OPA1: variants seen among roughly 807,000 people sequenced by gnomAD.
The protein encoded by OPA1 is OPA1 mitochondrial dynamin like GTPase.
OPA1 carries 59 observed loss-of-function variants against 152.9 expected under a neutral mutation model. That is an observed-to-expected ratio of 0.39 (90% CI 0.31 to 0.48). The LOEUF (loss-of-function observed/expected upper bound fraction) is 0.48, where lower values mean the gene tolerates loss of function less well. Among genes scored for constraint, OPA1 ranks in the 20% least tolerant of loss-of-function variants. OPA1 has a pLI of 0.96. For missense variants in OPA1, 1,008 were observed against 1,216.8 expected (o/e 0.83, Z 2.55); for synonymous variants, 400 against 389.9 (o/e 1.03, Z -0.31).
intron 29 of OPA1, among the ~76,000 whole-genome samples, chr3:193,681,107 A>G (rs904054646): frequency 6.6e-6 from 1 of 152,154 alleles, no homozygotes; most frequent in African/African-American, 2.4e-5. Context: ...ATAGATATTG[A>G]TATCATTGGG....
intron 1 of OPA1, among the ~76,000 whole-genome samples, chr3:193,605,852 T>C (rs1727172347): frequency 6.6e-6 from 1 of 152,210 alleles, no homozygotes; most frequent in Admixed American, 6.5e-5. Context: ...TTGAAACCCC[T>C]GTCACAGAAA....
At chr3:193,631,413 T>C (rs975901474) in intron 7 of OPA1, among the ~76,000 whole-genome samples, 199 bp from the exon 8 acceptor site, 2 of 152,232 alleles carry the variant, frequency 1.3e-5, no homozygotes, top group African/African-American at 4.8e-5. Context: ...TTTCTCAATA[T>C]AAAATTTTGG....
chr3:193,634,659 C>T (rs762800910), intron 8 of OPA1, among the ~76,000 whole-genome samples: 2 of 152,148 alleles, frequency 1.3e-5, no homozygotes, highest in African/African-American at 2.4e-5. Context: ...CCGTCTGCCT[C>T]GGCCTCCCAA....
intron 9 of OPA1, 88 bp from the exon 10 acceptor site, chr3:193,637,107 A>G: frequency 1.5e-6 from 1 of 688,126 alleles, no homozygotes; most frequent in Non-Finnish European, 2.5e-6. Flanking sequence ...AACAATTTGA[A>G]TTTATCACTT....
At position 193,694,657 on chromosome 3, in the gene OPA1, G is replaced by A. The variant is rs1383153666; in HGVS notation, c.*57G>A. On this transcript the variant is annotated 3_prime_UTR_variant, in exon 31 of 31. Transcript: ENST00000361510. ...ACATCTGAAGAACAAAAACATCAAC[G>A]TCTTTTGTCCAGCCTCTTTTTCTTC... 7 of 152,266 alleles carry A rather than the reference G, an allele frequency of 4.6e-5. No homozygotes were observed. Among genetic ancestry groups the A allele is most frequent in the East Asian group, 1.9e-4 (1 of 5,186 alleles). The allele number at this position is 152,266 out of a possible 1,614,324, so 9.4% of individuals were successfully genotyped here.
At chr3:193,638,610 C>T (rs1233817218) in intron 11 of OPA1, among the ~76,000 whole-genome samples, 1 of 152,186 alleles carries the variant, frequency 6.6e-6, no homozygotes, top group Non-Finnish European at 1.5e-5. Flanking sequence ...CTAAACAGTA[C>T]TAACATCAGA....
intron 21 of OPA1, among the ~76,000 whole-genome samples, chr3:193,652,746 T>G: frequency 6.6e-6 from 1 of 152,036 alleles, no homozygotes. Context: ...CAGAAATTGT[T>G]GGGATGGAGG....
chr3:193,648,092 T>C lies in OPA1; in HGVS notation c.1893T>C (p.Thr631=), dbSNP rs1441195440. ...CAGCAACACGTTTTAACCTTGAAAC[T>C]GAATGGAAGAATAACTATCCTCGCC... ...SFKATRFNLE[T]EWKNNYPRLR... Residue 631 remains threonine, a synonymous_variant, in exon 20 of 31, where the codon ACT becomes ACC. Coordinates refer to ENST00000361510, the MANE Select transcript of OPA1 (RefSeq NM_130837.3). 3 of 1,613,752 alleles carry C rather than the reference T, an allele frequency of 1.9e-6. No homozygotes were observed. The highest frequency in any genetic ancestry group is 2.2e-5 in the East Asian group (1 of 44,870).
rs573186877 is a variant in OPA1 at position 193,632,779 on chromosome 3, AG to A, written c.843+1116del. Among the ~76,000 whole-genome samples, 67 of 152,210 alleles carry A rather than the reference AG, an allele frequency of 4.4e-4. 2 individuals are homozygous for A. In the South Asian group the frequency reaches 0.014, roughly 31 times the overall value. On this transcript the variant is annotated intron_variant, in intron 8 of 30. Transcript: ENST00000361510. ...CCAGCAACTGGGAGGCTAAGGCGGG[AG>A]GATCACTTGAGCCCCAGGAGGTCAA...
intron 11 of OPA1, among the ~76,000 whole-genome samples, chr3:193,641,980 G>A (rs546491686): frequency 6.6e-6 from 1 of 152,300 alleles, no homozygotes; most frequent in Admixed American, 6.5e-5. Flanking sequence ...GCCAGGTGTG[G>A]TGGCGGGCAT....
intron 29 of OPA1, among the ~76,000 whole-genome samples, chr3:193,688,847 G>A (rs920327599): frequency 2.6e-5 from 4 of 152,130 alleles, no homozygotes; most frequent in Admixed American, 6.5e-5. Flanking sequence ...TTAGCCAGGT[G>A]TGGTGCTGCA....
intron 1 of OPA1, among the ~76,000 whole-genome samples, chr3:193,603,143 TTGTC>T (rs1435457043): frequency 6.6e-6 from 1 of 152,212 alleles, no homozygotes; most frequent in Admixed American, 6.5e-5. Context: ...TTGGATCACT[TTGTC>T]TGTTCCATGA....
intron 15 of OPA1, 24 bp from the exon 16 acceptor site, chr3:193,643,951 G>A (rs745455657): frequency 3.1e-6 from 5 of 1,612,342 alleles, no homozygotes; most frequent in Admixed American, 1.7e-5. Flanking sequence ...AAATTCCACA[G>A]TGTCATTTTT....
chr3:193,617,318 A>T (rs1729192819), intron 4 of OPA1, 33 bp downstream of exon 4: 1 of 1,326,796 alleles, frequency 7.5e-7, no homozygotes, highest in South Asian at 1.2e-5. Context: ...TAATTTAAAA[A>T]TTTAAGAACC....
chr3:193,626,114 T>G lies in OPA1; in HGVS notation c.701T>G (p.Leu234Arg), dbSNP rs1301180756. 1 of 1,613,966 alleles carries G rather than the reference T, an allele frequency of 6.2e-7. No individual in the cohort carries two copies. The highest frequency in any genetic ancestry group is 8.5e-7 in the Non-Finnish European group (1 of 1,179,962). The change falls in exon 7 of 31, where the codon CTC becomes CGC. Residue 234 changes from leucine to arginine, a missense_variant. Coordinates refer to ENST00000361510, the MANE Select transcript of OPA1 (RefSeq NM_130837.3). ...CAGGGTCTGCTTGGTGAGCTCATTCTCTTACAACAACAAATTCAAGAGCAT... is the reference window on the plus strand; with the variant it reads ...CAGGGTCTGCTTGGTGAGCTCATTCGCTTACAACAACAAATTCAAGAGCAT... ...FRKGLLGELI[L>R]LQQQIQEHEE...
At chr3:193,685,817 A>G (rs1577396610) in intron 29 of OPA1, among the ~76,000 whole-genome samples, 1 of 152,224 alleles carries the variant, frequency 6.6e-6, no homozygotes, top group South Asian at 2.1e-4. Context: ...AGAACAATAC[A>G]TTTTAATCAT....
In OPA1 at chr3:193,697,738, T is replaced by TC. The variant is rs768662108; in HGVS notation, c.*3139dup. On this transcript the variant is annotated 3_prime_UTR_variant, in exon 31 of 31. Transcript: ENST00000361510. ...CTCCATGGTCAACCGGTGCTTTTTTTCACATCGTGGTACTTGTCAAAACAT... is the reference window on the plus strand; with the variant it reads ...CTCCATGGTCAACCGGTGCTTTTTTTCCACATCGTGGTACTTGTCAAAACAT... 2.6e-5 allele frequency: 4 copies of TC among 152,242 alleles called. No individual in the cohort carries two copies. The highest frequency in any genetic ancestry group is 5.9e-5 in the Non-Finnish European group (4 of 68,050). The allele number at this position is 152,242 out of a possible 1,614,324, so 9.4% of individuals were successfully genotyped here. A position where few individuals can be genotyped will look rare whatever the true frequency, so the allele number is the denominator to read the frequency against.
chr3:193,670,699 A>G (rs191142281), intron 29 of OPA1, among the ~76,000 whole-genome samples: 6 of 152,318 alleles, frequency 3.9e-5, no homozygotes, highest in Admixed American at 2.6e-4. Context: ...CATAAGTAGT[A>G]GTAGTACATT....
intron 6 of OPA1, among the ~76,000 whole-genome samples, chr3:193,620,505 A>C (rs889593144): frequency 3.3e-5 from 5 of 152,200 alleles, no homozygotes; most frequent in Non-Finnish European, 7.3e-5. Flanking sequence ...ATTATGTTCT[A>C]ATTTACTCTT....
Sources: gnomAD v4.1 joint callset for allele counts (sites outside exome capture counted in the v4.1 genomes callset) on GRCh38, gnomAD v4.1.1 for gene constraint, MANE v1.5 for transcripts, NCBI Gene and HGNC (gene_info 2026-07-23, HGNC 2026-07-21) for gene names.